Variants in TMPRSS11D observed in about 807,000 individuals in gnomAD.
TMPRSS11D encodes transmembrane protease serine 11D.
In TMPRSS11D, 32 loss-of-function variants were observed where a neutral mutation model predicts 44.4. That is an observed-to-expected ratio of 0.72 (90% CI 0.54 to 0.97). TMPRSS11D has a LOEUF of 0.97. TMPRSS11D is among the 50% of genes least tolerant of loss of function. The pLI, the probability that TMPRSS11D is intolerant of heterozygous loss-of-function variation, is 0.00. For synonymous variants in TMPRSS11D, 179 were observed against 177.9 expected (o/e 1.01, Z -0.05); for missense variants, 446 against 502.6 (o/e 0.89, Z 1.08).
chr4:67,883,530 A>T (rs1049619140), intron 1 of TMPRSS11D, among the ~76,000 whole-genome samples: 10 of 152,096 alleles, frequency 6.6e-5, no homozygotes, highest in Non-Finnish European at 1.3e-4. Flanking sequence ...GCTAGCAATA[A>T]AACTGTAATG....
chr4:67,844,004 ATG>A (rs1434101660), intron 3 of TMPRSS11D, among the ~76,000 whole-genome samples: 1 of 152,192 alleles, frequency 6.6e-6, no homozygotes, highest in East Asian at 1.9e-4. Context: ...CCCAGCAAGG[ATG>A]TTTCTCCTGA....
intron 1 of TMPRSS11D, among the ~76,000 whole-genome samples, chr4:67,865,930 A>C (rs548654546): frequency 3.5e-4 from 53 of 152,116 alleles, no homozygotes; most frequent in African/African-American, 1.2e-3. Flanking sequence ...AGAAAAACTG[A>C]TGCCAATCCT....
intron 3 of TMPRSS11D, among the ~76,000 whole-genome samples, chr4:67,843,654 T>C (rs1252791389): frequency 6.6e-6 from 1 of 152,226 alleles, no homozygotes; most frequent in African/African-American, 2.4e-5. Flanking sequence ...CCGGGCGCAG[T>C]GGCTCACGCC....
chr4:67,829,768 A>G (rs1221615761), intron 7 of TMPRSS11D, among the ~76,000 whole-genome samples: 2 of 152,054 alleles, frequency 1.3e-5, no homozygotes, highest in Admixed American at 1.3e-4. Flanking sequence ...ATATGAAAAG[A>G]TACTCAAACT....
chr4:67,828,481 T>C (rs915775003), intron 7 of TMPRSS11D, among the ~76,000 whole-genome samples: 1 of 152,130 alleles, frequency 6.6e-6, no homozygotes, highest in Non-Finnish European at 1.5e-5. Context: ...ATCTTGTTCA[T>C]GTCTCAAAGA....
rs760641660 is a variant in TMPRSS11D, at chr4:67,842,591, T to C, written c.284A>G (p.Asn95Ser). Residue 95 changes from asparagine (N) to serine (S), a missense_variant, in exon 4 of 10, where the codon AAT (asparagine) becomes AGT (serine). Transcript: ENST00000283916. Reference protein sequence around the residue: ...TKTFKESNLRNQFIRAHVAKL... With the variant: ...TKTFKESNLRSQFIRAHVAKL... ...GGCAACATGAGCTCTGATGAACTGATTTCTTAAATTTGATTCTTTGAATGT... is the reference window on the plus strand; with the variant it reads ...GGCAACATGAGCTCTGATGAACTGACTTCTTAAATTTGATTCTTTGAATGT... The C allele has an allele frequency of 6.8e-6, 11 of 1,606,354 alleles. No individual in the cohort carries two copies. Among genetic ancestry groups the C allele is most frequent in the Admixed American group, 1.7e-5 (1 of 57,894 alleles).
intron 1 of TMPRSS11D, among the ~76,000 whole-genome samples, chr4:67,867,834 T>A (rs540218955): frequency 6.6e-6 from 1 of 152,150 alleles, no homozygotes; most frequent in African/African-American, 2.4e-5. Context: ...TTGGTGAGGA[T>A]GCAGAGAAAA....
intron 1 of TMPRSS11D, among the ~76,000 whole-genome samples, chr4:67,875,308 G>A (rs1011217433): frequency 1.6e-4 from 24 of 152,182 alleles, no homozygotes; most frequent in Admixed American, 2.6e-4. Context: ...AAAGCTGCTC[G>A]ACAGGAGGCA....
intron 9 of TMPRSS11D, among the ~76,000 whole-genome samples, chr4:67,823,185 T>C (rs1438784124): frequency 6.6e-6 from 1 of 152,210 alleles, no homozygotes; most frequent in Non-Finnish European, 1.5e-5. Flanking sequence ...CTTATCTTCC[T>C]AACCTTAGCA....
chr4:67,881,975 G>A (rs1014889870), intron 1 of TMPRSS11D, among the ~76,000 whole-genome samples: 1 of 151,998 alleles, frequency 6.6e-6, no homozygotes, highest in African/African-American at 2.4e-5. Context: ...CTGTAATCTG[G>A]TGGGCACAGA....
chr4:67,831,815 A>C (rs1184873761), intron 7 of TMPRSS11D, among the ~76,000 whole-genome samples: 1 of 152,020 alleles, frequency 6.6e-6, no homozygotes, highest in African/African-American at 2.4e-5. Flanking sequence ...TAAAGTTTCA[A>C]ATTTGTTCAC....
At chr4:67,871,484 C>T (rs961195777) in intron 1 of TMPRSS11D, among the ~76,000 whole-genome samples, 5 of 152,100 alleles carry the variant, frequency 3.3e-5, no homozygotes, top group South Asian at 2.1e-4. Context: ...TGACACAAGT[C>T]GGTAGTTTGC....
intron 2 of TMPRSS11D, among the ~76,000 whole-genome samples, chr4:67,857,279 A>G: frequency 2.6e-4 from 1 of 3,910 alleles, no homozygotes; most frequent in Non-Finnish European, 1.3e-3. Flanking sequence ...TGGTATATAT[A>G]TATATATATA....
intron 1 of TMPRSS11D, among the ~76,000 whole-genome samples, chr4:67,882,707 C>T (rs1223122881): frequency 6.6e-6 from 1 of 152,054 alleles, no homozygotes; most frequent in Non-Finnish European, 1.5e-5. Flanking sequence ...AATAATATTA[C>T]ACTTATAGAT....
Position 67,827,475 on chromosome 4 carries a change from T to A in TMPRSS11D, c.738A>T (p.Thr246=). The A allele has an allele frequency of 1.2e-6, 2 of 1,611,744 alleles. No homozygotes were observed. The highest frequency in any genetic ancestry group is 1.7e-6 in the Non-Finnish European group (2 of 1,178,754). ...CTCTCATTCTTAGTTTAGGAAATGT[T>A]GTGGAAATACCAGACGTGGCAATCC... is the stretch of plus-strand genomic sequence containing the variant. ...RDWIATSGIS[T]TFPKLRMRVR... The change falls in exon 8 of 10, where the codon ACA becomes ACT. Residue 246 remains threonine, a synonymous_variant. Transcript: ENST00000283916.
intron 3 of TMPRSS11D, among the ~76,000 whole-genome samples, chr4:67,845,114 AT>A (rs1718327378): frequency 6.6e-6 from 1 of 152,192 alleles, no homozygotes; most frequent in South Asian, 2.1e-4. Flanking sequence ...CCACCTTAAC[AT>A]TTCTGTTATG....
At chr4:67,835,401 A>G (rs531112450) in intron 5 of TMPRSS11D, among the ~76,000 whole-genome samples, 132 of 152,272 alleles carry the variant, frequency 8.7e-4, no homozygotes, top group African/African-American at 2.9e-3. Flanking sequence ...CTTAATAGAT[A>G]TCTCTTTTTT....
chr4:67,883,852 GCTT>G, intron 1 of TMPRSS11D, 71 bp downstream of exon 1: 1 of 1,310,850 alleles, frequency 7.6e-7, no homozygotes, highest in Non-Finnish European at 1.0e-6. Flanking sequence ...AATTTGCTAA[GCTT>G]CTTTATATTT....
chr4:67,851,676 G>T (rs1426674360), intron 3 of TMPRSS11D, among the ~76,000 whole-genome samples: 1 of 152,134 alleles, frequency 6.6e-6, no homozygotes, highest in Non-Finnish European at 1.5e-5. Flanking sequence ...GAATCACTCT[G>T]CTGAGATGTC....
Sources: allele counts gnomAD v4.1 joint callset (sites outside exome capture counted in the v4.1 genomes callset), GRCh38; gene constraint gnomAD v4.1.1; transcripts MANE v1.5; gene names NCBI Gene and HGNC (gene_info 2026-07-23, HGNC 2026-07-21).